Variants in RALY observed in about 807,000 individuals in gnomAD.
The protein encoded by RALY is RNA-binding protein Raly.
RALY carries 15 observed loss-of-function variants against 30.7 expected under a neutral mutation model. The ratio of observed to expected loss-of-function variants is 0.49; its 90% CI spans 0.33 to 0.75. RALY has a LOEUF of 0.75. Among genes scored for constraint, RALY ranks in the 30% least tolerant of loss-of-function variants. RALY has a pLI of 0.02. For missense variants in RALY, 339 were observed against 414.3 expected (o/e 0.82, Z 1.58); for synonymous variants, 177 against 170.8 (o/e 1.04, Z -0.28).
intron 1 of RALY, among the ~76,000 whole-genome samples, chr20:33,999,141 A>AG (rs1231769803): frequency 1.3e-5 from 2 of 150,654 alleles, no homozygotes; most frequent in East Asian, 3.9e-4. Flanking sequence ...AAAAAAAAAA[A>AG]GGAAAGAAAA....
intron 1 of RALY, among the ~76,000 whole-genome samples, chr20:34,005,247 A>G (rs1223392531): frequency 3.3e-5 from 5 of 152,140 alleles, no homozygotes; most frequent in Non-Finnish European, 5.9e-5. Context: ...GCAGTGGCTC[A>G]TGGCCTGTAA....
At chr20:34,028,962 A>C (rs899991306) in intron 1 of RALY, among the ~76,000 whole-genome samples, 5 of 151,992 alleles carry the variant, frequency 3.3e-5, no homozygotes, top group Non-Finnish European at 5.9e-5. Context: ...GGGAGCCATG[A>C]CTTTTTTTGA....
rs60912814 is a variant in RALY at position 34,053,383 on chromosome 20, A to ATTTTTTT, written c.-9-18657_-9-18651dup. ...GCCAACATTTAGTAGATGTTCAATA[A>ATTTTTTT]TTTTTTTTTTTTTTTTTTTTTTTTT... On this transcript the variant is annotated intron_variant, in intron 2 of 9. Coordinates refer to ENST00000246194, the MANE Select transcript of RALY (RefSeq NM_016732.3). 6.1e-3 allele frequency among the ~76,000 whole-genome samples: 330 copies of ATTTTTTT among 54,148 alleles called. 50 individuals are homozygous for ATTTTTTT. Among genetic ancestry groups the ATTTTTTT allele is most frequent in the East Asian group, 0.016 (22 of 1,400 alleles). 35.5% of individuals were successfully genotyped at this position (54,148 alleles called of 152,430 possible). A position where few individuals can be genotyped will look rare whatever the true frequency, so the allele number is the denominator to read the frequency against.
At chr20:34,007,980 A>C (rs1369143613) in intron 1 of RALY, among the ~76,000 whole-genome samples, 1 of 152,062 alleles carries the variant, frequency 6.6e-6, no homozygotes, top group Non-Finnish European at 1.5e-5. Flanking sequence ...GCAAGACCAT[A>C]TGCTATTTCA....
intron 8 of RALY, 125 bp from the exon 9 acceptor site, chr20:34,078,380 G>A: frequency 2.5e-6 from 2 of 789,832 alleles, no homozygotes; most frequent in Non-Finnish European, 3.6e-6. Flanking sequence ...GGCTGTTCCT[G>A]CGTCTTCTGA....
At position 34,083,737 on chromosome 20, in the gene RALY, A is replaced by AC. The variant is rs1407325279; in HGVS notation, c.*3835dup. ...GTATTTGCCATCCCTGGCCAGGTTG[A>AC]CCCGTAAGGTCATAACCTGCCCCAT... On this transcript the variant is annotated 3_prime_UTR_variant, in exon 10 of 10. Transcript: ENST00000246194. 1 of 152,214 alleles carries AC rather than the reference A, an allele frequency of 6.6e-6. No homozygotes were observed. Among genetic ancestry groups the AC allele is most frequent in the African/African-American group, 2.4e-5 (1 of 41,444 alleles). 9.4% of individuals were successfully genotyped at this position (152,214 alleles called of 1,614,324 possible).
chr20:34,055,703 A>G (rs2033221451), intron 2 of RALY, among the ~76,000 whole-genome samples: 1 of 152,266 alleles, frequency 6.6e-6, no homozygotes, highest in Non-Finnish European at 1.5e-5. Flanking sequence ...CCAACGGCTC[A>G]TACCACAACT....
At chr20:34,002,734 T>C (rs1035420428) in intron 1 of RALY, among the ~76,000 whole-genome samples, 2 of 152,220 alleles carry the variant, frequency 1.3e-5, no homozygotes, top group Non-Finnish European at 2.9e-5. Flanking sequence ...GGACAACATT[T>C]CCTTTCAGGT....
intron 1 of RALY, among the ~76,000 whole-genome samples, chr20:33,995,691 A>G (rs1188898873): frequency 6.6e-6 from 1 of 152,154 alleles, no homozygotes; most frequent in Non-Finnish European, 1.5e-5. Context: ...TGGGAGCTGA[A>G]AGGGGTCTTA....
At chr20:34,050,458 G>A (rs898466353) in intron 2 of RALY, among the ~76,000 whole-genome samples, 34 of 152,210 alleles carry the variant, frequency 2.2e-4, no homozygotes, top group Non-Finnish European at 4.4e-4. Context: ...ATGCTTTGCT[G>A]TTGTTTTTGG....
At chr20:34,007,437 C>T (rs1011433234) in intron 1 of RALY, among the ~76,000 whole-genome samples, 7 of 152,122 alleles carry the variant, frequency 4.6e-5, no homozygotes, top group Non-Finnish European at 8.8e-5. Context: ...AGGAGAATCG[C>T]TTGAACCTGG....
intron 2 of RALY, among the ~76,000 whole-genome samples, chr20:34,057,131 A>AAT (rs2033269112): frequency 6.6e-6 from 1 of 152,202 alleles, no homozygotes; most frequent in Admixed American, 6.5e-5. Context: ...AATATGCTAT[A>AAT]ATATATATAA....
At chr20:34,057,720 T>C (rs761430249) in intron 2 of RALY, among the ~76,000 whole-genome samples, 4 of 143,192 alleles carry the variant, frequency 2.8e-5, no homozygotes, top group Non-Finnish European at 6.1e-5. Context: ...AACAAAGAAA[T>C]GATATGGTAA....
Position 34,067,480 on chromosome 20 carries a change from C to T in RALY, c.-9-4586C>T, listed in dbSNP as rs376432878. The stretch of plus-strand genomic sequence containing the variant: ...TGTGCCCAGCCAGTGGCTGTTGTTA[C>T]TGTGACGGCTCTCTGGGTGTCTCAT... On this transcript the variant is annotated intron_variant, in intron 2 of 9. Coordinates refer to ENST00000246194, the MANE Select transcript of RALY (RefSeq NM_016732.3). Among the ~76,000 whole-genome samples, 13 of 152,212 alleles carry T rather than the reference C, an allele frequency of 8.5e-5. 2 individuals carry two copies. The highest frequency in any genetic ancestry group is 5.9e-4 in the Admixed American group (9 of 15,284).
At chr20:34,021,243 A>G (rs1481021718) in intron 1 of RALY, among the ~76,000 whole-genome samples, 2 of 152,158 alleles carry the variant, frequency 1.3e-5, no homozygotes, top group Non-Finnish European at 2.9e-5. Flanking sequence ...ATTTACAGGC[A>G]TGAGCCACTG....
chr20:34,076,933 T>TC, intron 7 of RALY, 95 bp from the exon 8 acceptor site: 1 of 1,600,828 alleles, frequency 6.2e-7, no homozygotes, highest in East Asian at 2.3e-5. Context: ...CCACCTGCAC[T>TC]CACCATGCTG....
At chr20:33,994,344 C>T (rs1174674623) in intron 1 of RALY, 1 of 152,938 alleles carries the variant, frequency 6.5e-6, no homozygotes, top group Non-Finnish European at 1.5e-5. Context: ...CGGCCCCAGC[C>T]CTCCGCGCCC....
At chr20:34,046,763 T>G (rs2032893866) in intron 2 of RALY, among the ~76,000 whole-genome samples, 1 of 151,776 alleles carries the variant, frequency 6.6e-6, no homozygotes, top group South Asian at 2.1e-4. Flanking sequence ...CAGTTGTTGC[T>G]CTGTGATTTT....
intron 2 of RALY, among the ~76,000 whole-genome samples, chr20:34,044,569 C>T (rs1436107588): frequency 6.6e-6 from 1 of 152,188 alleles, no homozygotes; most frequent in Non-Finnish European, 1.5e-5. Context: ...ATCGGCCGAC[C>T]TCAGGTGATC....
Sources: gnomAD v4.1 joint callset for allele counts (sites outside exome capture counted in the v4.1 genomes callset) on GRCh38, gnomAD v4.1.1 for gene constraint, MANE v1.5 for transcripts, NCBI Gene and HGNC (gene_info 2026-07-23, HGNC 2026-07-21) for gene names.